Variants in SPIN1 observed in about 807,000 individuals in gnomAD.
SPIN1 encodes spindlin-1.
Under a neutral mutation model 26.0 loss-of-function variants are expected in SPIN1, and 3 were observed. The ratio of observed to expected loss-of-function variants is 0.12; its 90% CI spans 0.05 to 0.30. SPIN1 has a LOEUF of 0.30. Among genes scored for constraint, SPIN1 ranks in the 10% least tolerant of loss-of-function variants. The pLI is 1.00. For missense variants in SPIN1, 126 were observed against 333.4 expected (o/e 0.38, Z 4.84); for synonymous variants, 101 against 116.5 (o/e 0.87, Z 0.86).
chr9:88,450,135 T>C (rs1478117195), intron 3 of SPIN1, among the ~76,000 whole-genome samples: 1 of 152,250 alleles, frequency 6.6e-6, no homozygotes, highest in Non-Finnish European at 1.5e-5. Context: ...GTGCTCATCA[T>C]CTTCATGGTT....
chr9:88,443,489 A>G (rs190971678), intron 2 of SPIN1, among the ~76,000 whole-genome samples: 76 of 152,344 alleles, frequency 5.0e-4, no homozygotes, highest in African/African-American at 1.8e-3. Flanking sequence ...GATTTAGCAT[A>G]TTAATCATAG....
chr9:88,414,080 G>A (rs1827512065), intron 1 of SPIN1, among the ~76,000 whole-genome samples: 1 of 151,998 alleles, frequency 6.6e-6, no homozygotes, highest in African/African-American at 2.4e-5. Context: ...TGACATATAG[G>A]GCAGTGTCTG....
At chr9:88,465,003 A>C (rs1400687446) in intron 4 of SPIN1, among the ~76,000 whole-genome samples, 1 of 152,214 alleles carries the variant, frequency 6.6e-6, no homozygotes, top group Non-Finnish European at 1.5e-5. Flanking sequence ...GTGGAATCAC[A>C]CAGTATTTGT....
At chr9:88,450,512 A>T (rs551519786) in intron 3 of SPIN1, among the ~76,000 whole-genome samples, 2 of 152,304 alleles carry the variant, frequency 1.3e-5, no homozygotes, top group African/African-American at 2.4e-5. Context: ...GTGCAATAAG[A>T]TTCCATCTGC....
At chr9:88,471,252 A>G (rs1409327345) in intron 5 of SPIN1, among the ~76,000 whole-genome samples, 1 of 152,008 alleles carries the variant, frequency 6.6e-6, no homozygotes, top group African/African-American at 2.4e-5. Flanking sequence ...TGCATTTTCA[A>G]GTTAATTTTT....
intron 1 of SPIN1, among the ~76,000 whole-genome samples, chr9:88,398,640 A>G (rs1827120890): frequency 1.3e-5 from 2 of 152,106 alleles, no homozygotes; most frequent in African/African-American, 2.4e-5. Context: ...CAATGGCGCG[A>G]TGTTGGCTCA....
chr9:88,475,327 T>C lies in SPIN1; in HGVS notation c.*50T>C, dbSNP rs752349242. On this transcript the variant is annotated 3_prime_UTR_variant, in exon 6 of 6. Transcript: ENST00000375859. ...TTGTGGAACTATGAAATGTATTATT[T>C]GTAGACATAAAGACTTGATTGCTTT... 1 of 1,572,200 alleles carries C rather than the reference T, an allele frequency of 6.4e-7. No homozygotes were observed. The highest frequency in any genetic ancestry group is 8.7e-7 in the Non-Finnish European group (1 of 1,148,002).
intron 3 of SPIN1, among the ~76,000 whole-genome samples, chr9:88,461,562 T>C (rs749321458): frequency 1.3e-4 from 20 of 152,258 alleles, no homozygotes; most frequent in Non-Finnish European, 2.5e-4. Flanking sequence ...TTAAAACTTA[T>C]TTGTGTTATA....
chr9:88,473,534 A>G (rs1012602240), intron 5 of SPIN1, among the ~76,000 whole-genome samples: 1 of 152,194 alleles, frequency 6.6e-6, no homozygotes, highest in Non-Finnish European at 1.5e-5. Context: ...TTATAGATAA[A>G]TAGAGCAAGT....
At chr9:88,471,533 T>C (rs1263264657) in intron 5 of SPIN1, among the ~76,000 whole-genome samples, 4 of 150,918 alleles carry the variant, frequency 2.7e-5, no homozygotes, top group Non-Finnish European at 4.4e-5. Flanking sequence ...CAGGCACCTG[T>C]AATCCCAGCT....
At chr9:88,401,285 A>T (rs1018257572) in intron 1 of SPIN1, among the ~76,000 whole-genome samples, 8 of 152,266 alleles carry the variant, frequency 5.3e-5, no homozygotes, top group Middle Eastern at 3.4e-3. Flanking sequence ...CCAATAATGG[A>T]GTTAAGGTAG....
At chr9:88,411,339 C>T in intron 1 of SPIN1, 1 of 1,493,044 alleles carries the variant, frequency 6.7e-7, no homozygotes, top group Non-Finnish European at 9.3e-7. Flanking sequence ...ACCACACAGT[C>T]CGTGAGTGTC....
At position 88,475,289 on chromosome 9, in the gene SPIN1, A is replaced by G. The variant is rs1178271422; in HGVS notation, c.*12A>G. 32 of 1,607,936 alleles carry G rather than the reference A, an allele frequency of 2.0e-5. No homozygotes were observed. The highest frequency in any genetic ancestry group is 2.6e-5 in the Non-Finnish European group (31 of 1,175,782). On this transcript the variant is annotated 3_prime_UTR_variant, in exon 6 of 6. Transcript: ENST00000375859. ...TGAAAACATCCTAGATGTCATCACA[A>G]ACTCTGCCAAATTTGTGGAACTATG...
chr9:88,453,751 C>T (rs7033619), intron 3 of SPIN1, among the ~76,000 whole-genome samples: 3,338 of 152,218 alleles, frequency 0.022, 124 homozygotes, highest in African/African-American at 0.076. Flanking sequence ...GTCTCAAACT[C>T]CCGACCTCAG....
intron 1 of SPIN1, among the ~76,000 whole-genome samples, chr9:88,407,261 C>G (rs767612449): frequency 6.6e-6 from 1 of 151,964 alleles, no homozygotes; most frequent in East Asian, 1.9e-4. Flanking sequence ...CTCAGCCTCC[C>G]GAATAGCTGG....
intron 2 of SPIN1, among the ~76,000 whole-genome samples, chr9:88,441,465 A>T (rs536237504): frequency 3.3e-4 from 44 of 133,508 alleles, no homozygotes; most frequent in Non-Finnish European, 5.6e-4. Flanking sequence ...TCAATTAAGA[A>T]AAAAGGCCAG....
chr9:88,451,334 T>G (rs1246461937), intron 3 of SPIN1, among the ~76,000 whole-genome samples: 1 of 152,060 alleles, frequency 6.6e-6, no homozygotes, highest in African/African-American at 2.4e-5. Flanking sequence ...ATAGCACCTG[T>G]CCCCGAAGGT....
chr9:88,396,736 G>T (rs1827068984), intron 1 of SPIN1, among the ~76,000 whole-genome samples: 1 of 152,086 alleles, frequency 6.6e-6, no homozygotes, highest in African/African-American at 2.4e-5. Flanking sequence ...TACATTCAGA[G>T]AACCTCGTTG....
chr9:88,420,288 T>C (rs1427179364), intron 1 of SPIN1, among the ~76,000 whole-genome samples: 1 of 152,222 alleles, frequency 6.6e-6, no homozygotes, highest in Admixed American at 6.5e-5. Flanking sequence ...GGCAGGAGAA[T>C]AACTTGAACC....
Sources: gnomAD v4.1 joint callset for allele counts (sites outside exome capture counted in the v4.1 genomes callset) on GRCh38, gnomAD v4.1.1 for gene constraint, MANE v1.5 for transcripts, NCBI Gene and HGNC (gene_info 2026-07-23, HGNC 2026-07-21) for gene names.